RPS6KC1: variants seen among roughly 807,000 people sequenced by gnomAD.
RPS6KC1 encodes ribosomal protein S6 kinase C1, also known as inactive ribosomal protein S6 kinase delta-1.
In RPS6KC1, 54 loss-of-function variants were observed where a neutral mutation model predicts 103.8. The ratio of observed to expected loss-of-function variants is 0.52; its 90% CI spans 0.42 to 0.65. The LOEUF is 0.65. RPS6KC1 is among the 30% of genes least tolerant of loss of function. RPS6KC1 has a pLI of 0.00. For synonymous variants in RPS6KC1, 439 were observed against 438.7 expected (o/e 1.00, Z -0.01); for missense variants, 1,151 against 1,253.8 (o/e 0.92, Z 1.24).
the RPS6KC1 span, among the ~76,000 whole-genome samples, chr1:213,603,080 G>A: frequency 1.3e-5 from 2 of 152,178 alleles, no homozygotes; most frequent in Non-Finnish European, 2.9e-5. Flanking sequence ...AGCTTACAAA[G>A]CACAGCAGGC....
the RPS6KC1 span, among the ~76,000 whole-genome samples, chr1:213,410,864 A>G: frequency 2.6e-5 from 4 of 151,890 alleles, no homozygotes; most frequent in African/African-American, 9.7e-5. Context: ...AAAGAATAAG[A>G]GACTGTGATC....
the RPS6KC1 span, among the ~76,000 whole-genome samples, chr1:213,721,334 G>T: frequency 1.2e-4 from 18 of 152,124 alleles, no homozygotes; most frequent in Non-Finnish European, 2.1e-4. Context: ...GTTGTGGGAG[G>T]GACCCAGTGG....
chr1:213,568,978 A>C, the RPS6KC1 span, among the ~76,000 whole-genome samples: 1 of 152,228 alleles, frequency 6.6e-6, no homozygotes, highest in South Asian at 2.1e-4. Context: ...CAGGCCTGAG[A>C]GATCCAGGGA....
At chr1:213,384,677 C>G in the RPS6KC1 span, among the ~76,000 whole-genome samples, 1 of 152,178 alleles carries the variant, frequency 6.6e-6, no homozygotes, top group African/African-American at 2.4e-5. Flanking sequence ...TTCCCTCCCC[C>G]AGGAGGCCAC....
chr1:213,605,223 C>G, the RPS6KC1 span, among the ~76,000 whole-genome samples: 1 of 152,140 alleles, frequency 6.6e-6, no homozygotes, highest in African/African-American at 2.4e-5. Flanking sequence ...ATCCCCTCAT[C>G]ACTTAGTAGC....
intron 3 of RPS6KC1, among the ~76,000 whole-genome samples, chr1:213,082,589 C>T (rs1475932540): frequency 1.3e-5 from 2 of 152,136 alleles, no homozygotes. Context: ...AACACTGTTG[C>T]CTACAGTTAT....
chr1:213,440,317 C>A, the RPS6KC1 span, among the ~76,000 whole-genome samples: 2 of 152,094 alleles, frequency 1.3e-5, no homozygotes, highest in East Asian at 1.9e-4. Context: ...AAGTCACAAC[C>A]AAATGATGTA....
the RPS6KC1 span, among the ~76,000 whole-genome samples, chr1:213,636,582 A>G: frequency 1.8e-4 from 27 of 152,194 alleles, no homozygotes; most frequent in Non-Finnish European, 1.0e-4. Flanking sequence ...CTGAAACTGG[A>G]TCCCTTCCTT....
In RPS6KC1 at chr1:213,184,719, T is replaced by C. The variant is rs561891240; in HGVS notation, c.1044+8227T>C. Among the ~76,000 whole-genome samples, 89 of 152,334 alleles carry C rather than the reference T, an allele frequency of 5.8e-4. 1 individual carries two copies. The highest frequency in any genetic ancestry group is 1.0e-3 in the Non-Finnish European group (70 of 68,022). Reference sequence around the variant, plus strand: ...CCATTTTCATTTGTTTCGAGAAGTTTTTTAATTTTCTCAATTTCTTCATTG... The same window carrying C: ...CCATTTTCATTTGTTTCGAGAAGTTCTTTAATTTTCTCAATTTCTTCATTG... On this transcript the variant is annotated intron_variant, in intron 8 of 14. Transcript: ENST00000366960.
the RPS6KC1 span, among the ~76,000 whole-genome samples, chr1:213,726,063 G>A: frequency 6.6e-6 from 1 of 152,030 alleles, no homozygotes; most frequent in Non-Finnish European, 1.5e-5. Context: ...TTTTGTCAAA[G>A]TTTTCTCCAT....
chr1:213,803,210 G>A, the RPS6KC1 span, among the ~76,000 whole-genome samples: 1 of 150,576 alleles, frequency 6.6e-6, no homozygotes, highest in Non-Finnish European at 1.5e-5. Context: ...GTAAAACTAG[G>A]GCCAGTAGAC....
chr1:213,131,485 C>T (rs1473570885), intron 6 of RPS6KC1, among the ~76,000 whole-genome samples: 1 of 151,842 alleles, frequency 6.6e-6, no homozygotes, highest in Non-Finnish European at 1.5e-5. Flanking sequence ...ATTCTGTCAC[C>T]CAGGCTGGAG....
the RPS6KC1 span, among the ~76,000 whole-genome samples, chr1:213,829,557 A>C: frequency 2.0e-5 from 3 of 152,196 alleles, no homozygotes; most frequent in Non-Finnish European, 4.4e-5. Context: ...GTTTTTAACT[A>C]TCAGATTCTA....
At chr1:213,653,237 T>C in the RPS6KC1 span, among the ~76,000 whole-genome samples, 25 of 152,178 alleles carry the variant, frequency 1.6e-4, no homozygotes, top group African/African-American at 6.0e-4. Context: ...GACGGGCAGA[T>C]AGCTTGAGCC....
At chr1:213,331,730 T>G in the RPS6KC1 span, among the ~76,000 whole-genome samples, 1 of 152,168 alleles carries the variant, frequency 6.6e-6, no homozygotes, top group Non-Finnish European at 1.5e-5. Flanking sequence ...CATGACTGTG[T>G]GTAAAACAGA....
At chr1:213,658,208 C>T in the RPS6KC1 span, among the ~76,000 whole-genome samples, 1 of 152,188 alleles carries the variant, frequency 6.6e-6, no homozygotes, top group African/African-American at 2.4e-5. Flanking sequence ...GTCTAGGAAC[C>T]TGTATCATCA....
chr1:213,802,690 A>G, the RPS6KC1 span, among the ~76,000 whole-genome samples: 342 of 152,352 alleles, frequency 2.2e-3, no homozygotes, highest in African/African-American at 8.0e-3. Context: ...TCCTCAGAAG[A>G]TCCTAAGGAC....
At chr1:213,363,759 C>CTTCTTTCTTTCT in the RPS6KC1 span, among the ~76,000 whole-genome samples, 83 of 56,620 alleles carry the variant, frequency 1.5e-3, 2 homozygotes, top group African/African-American at 3.2e-3. Flanking sequence ...CTCTTTCTCT[C>CTTCTTTCTTTCT]TTCTTTCTTT....
chr1:213,244,739 T>C (rs1573562779), intron 12 of RPS6KC1, among the ~76,000 whole-genome samples: 1 of 152,170 alleles, frequency 6.6e-6, no homozygotes, highest in South Asian at 2.1e-4. Context: ...TTTTTAAGCC[T>C]TGTCCCAGAA....
Sources: gnomAD v4.1 joint callset for allele counts (sites outside exome capture counted in the v4.1 genomes callset) on GRCh38, gnomAD v4.1.1 for gene constraint, MANE v1.5 for transcripts, NCBI Gene and HGNC (gene_info 2026-07-23, HGNC 2026-07-21) for gene names.